PTPRA: variants seen among roughly 807,000 people sequenced by gnomAD.
PTPRA encodes protein tyrosine phosphatase receptor type A, also known as receptor-type tyrosine-protein phosphatase alpha.
PTPRA carries 25 observed loss-of-function variants against 104.8 expected under a neutral mutation model. The observed-to-expected ratio is 0.24, with a 90% CI of 0.17 to 0.33. PTPRA has a LOEUF of 0.33. Ranked by LOEUF, PTPRA falls within the 10% of genes least tolerant of loss-of-function variation. The pLI is 1.00. For missense variants in PTPRA, 765 were observed against 1,015.3 expected (o/e 0.75, Z 3.35); for synonymous variants, 323 against 368.9 (o/e 0.88, Z 1.43).
chr20:2,950,758 T>G lies in PTPRA; in HGVS notation c.-7+2734T>G, dbSNP rs1021138867. Among the ~76,000 whole-genome samples the G allele has an allele frequency of 3.3e-5, 5 of 152,214 alleles. No individual in the cohort carries two copies. Among genetic ancestry groups the G allele is most frequent in the African/African-American group, 1.2e-4 (5 of 41,466 alleles). ...TACAATAAAATGAAATTCTTTTCAT[T>G]GTATTTCTTTTCATTGATTATTCCT... On this transcript the variant is annotated intron_variant, in intron 3 of 23. Coordinates refer to ENST00000399903, the MANE Select transcript of PTPRA (RefSeq NM_001385305.1). The surrounding 1 kb of genome is among the most constrained non-coding windows in gnomAD (Gnocchi z 4.0).
chr20:2,918,916 A>T (rs539982062), intron 1 of PTPRA, among the ~76,000 whole-genome samples: 1 of 152,244 alleles, frequency 6.6e-6, no homozygotes, highest in Non-Finnish European at 1.5e-5. Flanking sequence ...TAGTTTCTTC[A>T]TTGGTAGTAT....
At chr20:3,026,006 C>T (rs1291477350) in intron 17 of PTPRA, among the ~76,000 whole-genome samples, 2 of 150,234 alleles carry the variant, frequency 1.3e-5, no homozygotes, top group African/African-American at 4.9e-5. Flanking sequence ...GGTGCAATGG[C>T]GCGATCTCAG....
At chr20:2,924,896 G>C (rs2060237302) in intron 2 of PTPRA, among the ~76,000 whole-genome samples, 1 of 152,072 alleles carries the variant, frequency 6.6e-6, no homozygotes, top group Non-Finnish European at 1.5e-5. Context: ...GGCCAGGATG[G>C]TCTCGATTGC....
intron 1 of PTPRA, among the ~76,000 whole-genome samples, chr20:2,902,334 C>G (rs1348570804): frequency 2.0e-5 from 3 of 152,210 alleles, no homozygotes; most frequent in Non-Finnish European, 2.9e-5. Context: ...ACATTCAACA[C>G]AAATCAAATT....
intron 20 of PTPRA, 129 bp downstream of exon 20, chr20:3,027,970 G>A (rs138895646): frequency 2.0e-5 from 25 of 1,273,138 alleles, no homozygotes; most frequent in East Asian, 1.7e-4. Context: ...CAAAGAGTAC[G>A]TTTGCATAGT....
At chr20:2,990,813 T>G (rs368339686) in intron 9 of PTPRA, among the ~76,000 whole-genome samples, 65 of 152,152 alleles carry the variant, frequency 4.3e-4, no homozygotes, top group African/African-American at 1.5e-3. Context: ...GGAGGAATGG[T>G]TATTGGGTCA....
intron 9 of PTPRA, among the ~76,000 whole-genome samples, chr20:3,003,047 AC>A (rs915711284): frequency 6.6e-6 from 1 of 152,090 alleles, no homozygotes; most frequent in Non-Finnish European, 1.5e-5. Flanking sequence ...AGAGAGACCC[AC>A]CTGTAATCCA....
At chr20:2,933,716 C>T (rs777718812) in intron 2 of PTPRA, among the ~76,000 whole-genome samples, 3 of 152,126 alleles carry the variant, frequency 2.0e-5, no homozygotes, top group Non-Finnish European at 2.9e-5. Context: ...CCTCCCTCAG[C>T]CTCCCAAAGT....
intron 2 of PTPRA, among the ~76,000 whole-genome samples, chr20:2,927,404 C>T (rs1055414991): frequency 1.4e-4 from 22 of 152,070 alleles, no homozygotes; most frequent in Non-Finnish European, 2.2e-4. Flanking sequence ...ATATTTGAAC[C>T]GTAACTTTCT....
chr20:2,941,984 T>G, intron 2 of PTPRA, among the ~76,000 whole-genome samples: 1 of 152,224 alleles, frequency 6.6e-6, no homozygotes, highest in East Asian at 1.9e-4. Context: ...AATGTCAGTT[T>G]TCTGCTACTA....
At chr20:2,935,512 T>C (rs766978637) in intron 2 of PTPRA, among the ~76,000 whole-genome samples, 1 of 152,252 alleles carries the variant, frequency 6.6e-6, no homozygotes, top group Non-Finnish European at 1.5e-5. Context: ...CCTTTAGATA[T>C]ATATCCAATA....
At chr20:2,928,712 G>C (rs771263920) in intron 2 of PTPRA, among the ~76,000 whole-genome samples, 4 of 151,822 alleles carry the variant, frequency 2.6e-5, no homozygotes, top group Non-Finnish European at 5.9e-5. Flanking sequence ...TTCTGATATT[G>C]AGCTTCCTGG....
At chr20:2,892,289 C>CAAAAAA (rs34741114) in intron 1 of PTPRA, among the ~76,000 whole-genome samples, 3 of 80,548 alleles carry the variant, frequency 3.7e-5, no homozygotes, top group African/African-American at 4.9e-5. Flanking sequence ...GACTCTGTCT[C>CAAAAAA]AAAAAAAAAA....
chr20:2,906,813 TAACTC>T (rs1298937157), intron 1 of PTPRA, among the ~76,000 whole-genome samples: 1 of 152,238 alleles, frequency 6.6e-6, no homozygotes, highest in Non-Finnish European at 1.5e-5. Flanking sequence ...AGCATATTAA[TAACTC>T]AGGAAGCATT....
intron 3 of PTPRA, among the ~76,000 whole-genome samples, chr20:2,949,979 C>G (rs2061299324): frequency 6.6e-6 from 1 of 151,934 alleles, no homozygotes; most frequent in Non-Finnish European, 1.5e-5. Context: ...TTTGTTGATA[C>G]TTTGTTATGA....
At chr20:2,891,181 T>A (rs976817215) in intron 1 of PTPRA, among the ~76,000 whole-genome samples, 12 of 152,220 alleles carry the variant, frequency 7.9e-5, no homozygotes, top group Non-Finnish European at 1.8e-4. Flanking sequence ...CCATTTCTCC[T>A]ATCCCTTAAT....
intron 11 of PTPRA, among the ~76,000 whole-genome samples, chr20:3,008,745 CA>C (rs71195810): frequency 0.28 from 28,227 of 99,328 alleles, 3,076 homozygotes; most frequent in East Asian, 0.47. Context: ...AAAAAAAAAA[CA>C]AAAAAAAAAA....
intron 1 of PTPRA, among the ~76,000 whole-genome samples, chr20:2,902,889 G>T (rs1306932255): frequency 6.6e-6 from 1 of 152,126 alleles, no homozygotes; most frequent in African/African-American, 2.4e-5. Flanking sequence ...ATGAAAATAT[G>T]AAATATTATG....
chr20:2,883,455 A>C lies in PTPRA; in HGVS notation c.-129+9695A>C, dbSNP rs1317471021. ...ATCACGAGGTCAGGAGATCGAGACCATCCTGGCTAACACGGTGAAACCCCG... is the reference window on the plus strand; with the variant it reads ...ATCACGAGGTCAGGAGATCGAGACCCTCCTGGCTAACACGGTGAAACCCCG... On this transcript the variant is annotated intron_variant, in intron 1 of 23. Transcript: ENST00000399903. 1.2e-4 allele frequency among the ~76,000 whole-genome samples: 3 copies of C among 25,478 alleles called. 1 individual carries two copies. Among genetic ancestry groups the C allele is most frequent in the Non-Finnish European group, 1.7e-4 (3 of 17,742 alleles). 16.7% of individuals were successfully genotyped at this position (25,478 alleles called of 152,430 possible). A position where few individuals can be genotyped will look rare whatever the true frequency, so the allele number is the denominator to read the frequency against.
Sources: allele counts gnomAD v4.1 joint callset (sites outside exome capture counted in the v4.1 genomes callset), GRCh38; gene constraint gnomAD v4.1.1; non-coding constraint Gnocchi (gnomAD v3.1); transcripts MANE v1.5; gene names NCBI Gene and HGNC (gene_info 2026-07-23, HGNC 2026-07-21).